Variants in AFAP1 observed in about 807,000 individuals in gnomAD.
AFAP1 encodes the protein actin filament associated protein 1.
A neutral mutation model predicts 93.9 loss-of-function variants in AFAP1; 75 were observed. That is an observed-to-expected ratio of 0.80 (90% confidence interval 0.66 to 0.97). The LOEUF is 0.97. Ranked by LOEUF, AFAP1 falls within the 50% of genes least tolerant of loss-of-function variation. The pLI is 0.00. For synonymous variants in AFAP1, 517 were observed against 430.7 expected, an observed-to-expected ratio of 1.20 and a Z score of -2.48; for missense variants, 1,201 against 1,050.8, an observed-to-expected ratio of 1.14 and a Z score of -1.98.
chr4:7,844,513 C>G (rs28520091), intron 4 of AFAP1, among the ~76,000 whole-genome samples: 2 of 152,066 alleles, frequency 1.3e-5, no homozygotes, highest in South Asian at 4.2e-4. Flanking sequence ...AGCCTCCACA[C>G]GGCCCAACAC....
chr4:7,902,630 C>G (rs1263086886), intron 1 of AFAP1, among the ~76,000 whole-genome samples: 2 of 152,142 alleles, frequency 1.3e-5, no homozygotes, highest in African/African-American at 2.4e-5. Flanking sequence ...TAGGTACAAA[C>G]CTTGTGAACA....
chr4:7,918,963 TGTTG>T, intron 1 of AFAP1, among the ~76,000 whole-genome samples: 1 of 137,860 alleles, frequency 7.3e-6, no homozygotes, highest in Admixed American at 7.5e-5. Flanking sequence ...GAAACAGGGC[TGTTG>T]GAAGAGACAC....
At chr4:7,895,738 CA>C (rs1718724160) in intron 1 of AFAP1, among the ~76,000 whole-genome samples, 1 of 151,806 alleles carries the variant, frequency 6.6e-6, no homozygotes, top group Admixed American at 6.6e-5. Context: ...AGCTGCCATC[CA>C]AAAATATCAG....
intron 1 of AFAP1, among the ~76,000 whole-genome samples, chr4:7,910,094 G>A (rs1193136905): frequency 3.9e-5 from 6 of 152,014 alleles, no homozygotes; most frequent in Admixed American, 6.6e-5. Context: ...GTATCTTCCC[G>A]GTCAGTGGCC....
intron 11 of AFAP1, among the ~76,000 whole-genome samples, chr4:7,790,466 G>A (rs1334714788): frequency 3.3e-5 from 5 of 152,262 alleles, no homozygotes; most frequent in Admixed American, 1.3e-4. Flanking sequence ...CTAGGGCAAC[G>A]ATTTTAATTC....
intron 6 of AFAP1, among the ~76,000 whole-genome samples, chr4:7,837,788 G>A (rs1435369084): frequency 6.6e-6 from 1 of 152,214 alleles, no homozygotes; most frequent in Non-Finnish European, 1.5e-5. Flanking sequence ...GGAGGCCAAG[G>A]TGGGCGGATC....
chr4:7,866,092 T>A (rs1208409701), intron 3 of AFAP1, among the ~76,000 whole-genome samples: 1 of 151,970 alleles, frequency 6.6e-6, no homozygotes, highest in Non-Finnish European at 1.5e-5. Flanking sequence ...GACGGGGGTT[T>A]CACCATGGTG....
chr4:7,774,757 C>A lies in AFAP1; in HGVS notation c.2044G>T (p.Ala682Ser). 6.2e-7 allele frequency: 1 copy of A among 1,614,176 alleles called. No homozygotes were observed. Among genetic ancestry groups the A allele is most frequent in the Non-Finnish European group, 8.5e-7 (1 of 1,180,024 alleles). ...LRKERKDLRA[A>S]IEVNAGRKPQ... Reference sequence around the variant, plus strand: ...TTCATACCGGCGTTCACTTCAATAGCCGCTCGAAGGTCTTTTCTTTCCTTG... The same window carrying A: ...TTCATACCGGCGTTCACTTCAATAGACGCTCGAAGGTCTTTTCTTTCCTTG... Residue 682 changes from alanine to serine, a missense_variant, in exon 15 of 18, where the codon GCT becomes TCT. Transcript: ENST00000420658.
At chr4:7,859,066 C>T (rs184552506) in intron 3 of AFAP1, among the ~76,000 whole-genome samples, 2 of 152,348 alleles carry the variant, frequency 1.3e-5, no homozygotes, top group Admixed American at 6.5e-5. Flanking sequence ...GCCCCTAACA[C>T]GGCCTGCATC....
chr4:7,848,399 A>C (rs1714060665), intron 4 of AFAP1, among the ~76,000 whole-genome samples: 1 of 152,260 alleles, frequency 6.6e-6, no homozygotes, highest in African/African-American at 2.4e-5. Context: ...AGCACCAGGG[A>C]GGCAGATGGT....
chr4:7,794,504 T>A (rs1400574753), intron 10 of AFAP1, among the ~76,000 whole-genome samples: 1 of 152,126 alleles, frequency 6.6e-6, no homozygotes, highest in Non-Finnish European at 1.5e-5. Context: ...GTTCGTTCAA[T>A]TTTTAAGCCA....
At chr4:7,908,106 G>A (rs1470375787) in intron 1 of AFAP1, among the ~76,000 whole-genome samples, 1 of 152,122 alleles carries the variant, frequency 6.6e-6, no homozygotes, top group East Asian at 1.9e-4. Flanking sequence ...CAGCTACTCA[G>A]GAGGCTGAGG....
At chr4:7,778,544 C>A (rs949923975) in intron 14 of AFAP1, 7 of 598,352 alleles carry the variant, frequency 1.2e-5, no homozygotes, top group Admixed American at 8.5e-5. Context: ...CCACAGGTGG[C>A]AAACCAGTTC....
intron 1 of AFAP1, among the ~76,000 whole-genome samples, chr4:7,928,857 GAA>G (rs758387808): frequency 6.6e-6 from 1 of 152,220 alleles, no homozygotes; most frequent in Non-Finnish European, 1.5e-5. Flanking sequence ...GGGGCACAGA[GAA>G]AGACAATGAC....
intron 1 of AFAP1, among the ~76,000 whole-genome samples, chr4:7,910,233 C>T (rs987276123): frequency 1.3e-5 from 2 of 152,028 alleles, no homozygotes; most frequent in East Asian, 3.9e-4. Flanking sequence ...TAACAGGAGT[C>T]GAAACAGGGA....
intron 4 of AFAP1, among the ~76,000 whole-genome samples, chr4:7,852,228 G>A (rs1267081696): frequency 1.3e-5 from 2 of 152,162 alleles, no homozygotes; most frequent in African/African-American, 2.4e-5. Context: ...GGGGTGAAAC[G>A]AGAGGAGCCT....
chr4:7,923,109 G>T (rs930906298), intron 1 of AFAP1, among the ~76,000 whole-genome samples: 6 of 149,498 alleles, frequency 4.0e-5, no homozygotes, highest in Middle Eastern at 3.4e-3. Flanking sequence ...AGGGAAAAGA[G>T]AAATTAGGAA....
chr4:7,916,273 A>T (rs1720081641), intron 1 of AFAP1, among the ~76,000 whole-genome samples: 1 of 152,232 alleles, frequency 6.6e-6, no homozygotes. Flanking sequence ...ACATACCCAA[A>T]TAAAACTTGC....
chr4:7,763,261 A>G lies in AFAP1; in HGVS notation c.*504T>C, dbSNP rs1203129871. ...ACGTGGAGAGGGTACGCCAAGACAC[A>G]AAGTCCACGTCAGGACTGCGTATGC... On this transcript the variant is annotated 3_prime_UTR_variant, in exon 18 of 18. Transcript: ENST00000420658. 1.3e-5 allele frequency: 2 copies of G among 154,400 alleles called. No individual in the cohort carries two copies. The highest frequency in any genetic ancestry group is 2.9e-5 in the Non-Finnish European group (2 of 69,356). The allele number at this position is 154,400 out of a possible 1,614,324, so 9.6% of individuals were successfully genotyped here. A position where few individuals can be genotyped will look rare whatever the true frequency, so the allele number is the denominator to read the frequency against.
Sources: allele counts gnomAD v4.1 joint callset (sites outside exome capture counted in the v4.1 genomes callset), GRCh38; gene constraint gnomAD v4.1.1; transcripts MANE v1.5; gene names NCBI Gene and HGNC (gene_info 2026-07-23, HGNC 2026-07-21).